The following SYT16 variants were observed in gnomAD, a reference collection of about 807,000 sequenced individuals.
The protein encoded by SYT16 is synaptotagmin 16.
Under a neutral mutation model 61.4 loss-of-function variants are expected in SYT16, and 42 were observed. The observed-to-expected ratio is 0.68, with a 90% CI of 0.53 to 0.89. The LOEUF is 0.89. SYT16 is among the 40% of genes least tolerant of loss of function. SYT16 has a pLI of 0.00. For missense variants in SYT16, 804 were observed against 807.3 expected, an observed-to-expected ratio of 1.00 and a Z score of 0.05; for synonymous variants, 314 against 302.3, an observed-to-expected ratio of 1.04 and a Z score of -0.40.
intron 3 of SYT16, among the ~76,000 whole-genome samples, chr14:62,064,236 A>G (rs1379787136): frequency 2.0e-5 from 3 of 151,720 alleles, no homozygotes; most frequent in Non-Finnish European, 4.4e-5. Context: ...AGATTAAGTT[A>G]AATGAAACCC....
chr14:62,049,175 A>G (rs1365255020), intron 3 of SYT16, among the ~76,000 whole-genome samples: 4 of 152,326 alleles, frequency 2.6e-5, no homozygotes, highest in South Asian at 2.1e-4. Context: ...TTGGGTACAT[A>G]TATATTTAGG....
chr14:61,877,860 G>A (rs1398075987), intron 1 of SYT16, among the ~76,000 whole-genome samples: 1 of 152,188 alleles, frequency 6.6e-6, no homozygotes, highest in Non-Finnish European at 1.5e-5. Context: ...GAATTATTTA[G>A]GCGTTAACTA....
At chr14:61,911,415 T>C (rs944200478) in intron 1 of SYT16, among the ~76,000 whole-genome samples, 1 of 152,212 alleles carries the variant, frequency 6.6e-6, no homozygotes, top group African/African-American at 2.4e-5. Flanking sequence ...CAGTTCTGGA[T>C]TATATCACAT....
intron 1 of SYT16, among the ~76,000 whole-genome samples, chr14:61,926,510 C>T (rs1005887990): frequency 6.6e-6 from 1 of 151,994 alleles, no homozygotes; most frequent in East Asian, 1.9e-4. Context: ...ACTCATATGA[C>T]CAGGAGAATA....
chr14:61,925,717 C>T (rs1354426351), intron 1 of SYT16, among the ~76,000 whole-genome samples: 1 of 152,124 alleles, frequency 6.6e-6, no homozygotes, highest in Non-Finnish European at 1.5e-5. Context: ...TCTTATGATG[C>T]AATGATTATG....
At chr14:61,886,880 C>CTTTTTTTTTTTTTTTTTTTTTTTTT (rs371140698) in intron 1 of SYT16, among the ~76,000 whole-genome samples, 9 of 110,852 alleles carry the variant, frequency 8.1e-5, no homozygotes, top group East Asian at 2.8e-4. Context: ...TTTTTTTTGT[C>CTTTTTTTTTTTTTTTTTTTTTTTTT]TTTTTTTTTT....
At chr14:62,013,454 T>G (rs1002789101) in intron 3 of SYT16, among the ~76,000 whole-genome samples, 1 of 152,224 alleles carries the variant, frequency 6.6e-6, no homozygotes, top group Non-Finnish European at 1.5e-5. Context: ...AGGTCGAGTT[T>G]AAGGAGTTTA....
intron 1 of SYT16, among the ~76,000 whole-genome samples, chr14:61,884,378 A>C (rs1227180419): frequency 6.6e-6 from 1 of 152,216 alleles, no homozygotes; most frequent in Non-Finnish European, 1.5e-5. Flanking sequence ...AAGTAAGTTA[A>C]TTATTACGTC....
rs1037380796 is a variant in SYT16 at position 62,111,725 on chromosome 14, C to T, written c.*11018C>T. 6.6e-6 allele frequency: 1 copy of T among 152,014 alleles called. No individual in the cohort carries two copies. Among genetic ancestry groups the T allele is most frequent in the Non-Finnish European group, 1.5e-5 (1 of 67,938 alleles). 9.4% of individuals were successfully genotyped at this position (152,014 alleles called of 1,614,324 possible). ...CCTGGATGCTATTATAGTTCCTCCT[C>T]TAGTTTTCCAGTAGAGAATTCGTAT... On this transcript the variant is annotated 3_prime_UTR_variant, in exon 8 of 8. Transcript: ENST00000683842.
At chr14:62,047,768 G>A (rs1359581795) in intron 3 of SYT16, among the ~76,000 whole-genome samples, 2 of 152,134 alleles carry the variant, frequency 1.3e-5, no homozygotes, top group Non-Finnish European at 2.9e-5. Context: ...TTTATATGCT[G>A]GATTACGTTT....
chr14:62,021,705 C>T (rs1050964629), intron 3 of SYT16, among the ~76,000 whole-genome samples: 1 of 152,176 alleles, frequency 6.6e-6, no homozygotes, highest in Admixed American at 6.5e-5. Context: ...GTCTCTCCCT[C>T]AGCCCCCAGT....
At chr14:61,843,206 G>C (rs1361903002) in intron 1 of SYT16, among the ~76,000 whole-genome samples, 1 of 152,086 alleles carries the variant, frequency 6.6e-6, no homozygotes, top group Non-Finnish European at 1.5e-5. Context: ...AGCCAACAGT[G>C]TTCCCTTTGC....
chr14:61,913,716 G>GTGTGTGTGTGTA (rs1402760227), intron 1 of SYT16, among the ~76,000 whole-genome samples: 10 of 151,762 alleles, frequency 6.6e-5, no homozygotes, highest in African/African-American at 1.9e-4. Context: ...GTGTGTGTGT[G>GTGTGTGTGTGTA]TGTGTGTGTG....
intron 3 of SYT16, among the ~76,000 whole-genome samples, chr14:62,058,340 C>CTTTTT (rs796187620): frequency 1.5e-4 from 16 of 109,006 alleles, no homozygotes; most frequent in East Asian, 2.6e-4. Context: ...TGTTTAAATT[C>CTTTTT]TTTTTTTTTT....
upstream of SYT16, chr14:61,812,576 G>T: frequency 1.3e-5 from 2 of 150,778 alleles, no homozygotes; most frequent in South Asian, 3.7e-4. Context: ...CGTTCTGCCC[G>T]GGAGGCTGGG....
chr14:61,936,180 G>C (rs989525344), intron 1 of SYT16, among the ~76,000 whole-genome samples: 1 of 152,166 alleles, frequency 6.6e-6, no homozygotes, highest in African/African-American at 2.4e-5. Context: ...CTGATTTTCA[G>C]TTTTCTTCCT....
chr14:62,008,657 A>G (rs867268432), intron 3 of SYT16, among the ~76,000 whole-genome samples: 2 of 147,592 alleles, frequency 1.4e-5, no homozygotes, highest in Non-Finnish European at 3.0e-5. Flanking sequence ...TGCTGCAAGC[A>G]TATGTAACTG....
intron 3 of SYT16, among the ~76,000 whole-genome samples, chr14:62,001,441 A>G (rs983888474): frequency 1.3e-5 from 2 of 152,044 alleles, no homozygotes; most frequent in Non-Finnish European, 2.9e-5. Flanking sequence ...TTGCTATAAT[A>G]CTTTCATTTA....
Position 62,037,037 on chromosome 14 carries a change from G to T in SYT16, c.524-32566G>T, listed in dbSNP as rs566109227. ...GGTCAGTGGCCACGTGTTCTGCTGA[G>T]AGGATGGCAAAAGAGGACTGAAAAG... is the stretch of plus-strand genomic sequence containing the variant. On this transcript the variant is annotated intron_variant, in intron 3 of 7. Transcript: ENST00000683842. Among the ~76,000 whole-genome samples the T allele has an allele frequency of 4.6e-5, 7 of 152,288 alleles. No individual in the cohort carries two copies. The East Asian group carries it at 1.4e-3, about 29-fold the overall frequency.
Sources: gnomAD v4.1 joint callset for allele counts (sites outside exome capture counted in the v4.1 genomes callset) on GRCh38, gnomAD v4.1.1 for gene constraint, MANE v1.5 for transcripts, NCBI Gene and HGNC (gene_info 2026-07-23, HGNC 2026-07-21) for gene names.